The following CFAP54 variants were observed in gnomAD, a reference collection of about 807,000 sequenced individuals.
The protein encoded by CFAP54 is cilia and flagella associated protein 54, also known as cilia- and flagella-associated protein 54.
In CFAP54, 290 loss-of-function variants were observed where a neutral mutation model predicts 370.4. The observed-to-expected ratio is 0.78, with a 90% CI of 0.71 to 0.86. The LOEUF (loss-of-function observed/expected upper bound fraction) is 0.86, where lower values mean the gene tolerates loss of function less well. Ranked by LOEUF, CFAP54 falls within the 40% of genes least tolerant of loss-of-function variation. The probability of loss-of-function intolerance (pLI) is 0.00; values close to 1 mark genes in which losing one functional copy is unlikely to be tolerated. For synonymous variants in CFAP54, 1,206 were observed against 1,236.5 expected, an observed-to-expected ratio of 0.98 and a Z score of 0.52; for missense variants, 3,399 against 3,528.7, an observed-to-expected ratio of 0.96 and a Z score of 0.93.
intron 4 of CFAP54, among the ~76,000 whole-genome samples, chr12:96,512,042 C>T (rs1324202568): frequency 6.6e-6 from 1 of 151,954 alleles, no homozygotes; most frequent in Non-Finnish European, 1.5e-5. Context: ...AATGGTCTGA[C>T]ACAAAAGCAT....
In CFAP54 at chr12:96,527,416, GT is replaced by G; in HGVS notation, c.1332del (p.Phe444LeufsTer8). ...AGATTCATGATGTTGTCTCAGAATTGTTTATGGCAGGAAAAGAACTTTTGAT... is the reference window on the plus strand; with the variant it reads ...AGATTCATGATGTTGTCTCAGAATTGTTATGGCAGGAAAAGAACTTTTGAT... ...VEIHDVVSELFMAGKELLIMS... is the reference protein window; with the variant it reads ...VEIHDVVSELXMAGKELLIMS... On this transcript the variant is annotated frameshift_variant, in exon 9 of 68. Transcript: ENST00000524981. LOFTEE classifies it high-confidence loss of function. The G allele has an allele frequency of 1.3e-6, 2 of 1,521,262 alleles. No individual in the cohort carries two copies. Among genetic ancestry groups the G allele is most frequent in the Non-Finnish European group, 1.8e-6 (2 of 1,138,296 alleles). The allele number at this position is 1,521,262 out of a possible 1,614,324, so 94.2% of individuals were successfully genotyped here.
intron 25 of CFAP54, among the ~76,000 whole-genome samples, chr12:96,598,079 A>T (rs1420758066): frequency 7.0e-6 from 1 of 143,684 alleles, no homozygotes; most frequent in Non-Finnish European, 1.5e-5. Flanking sequence ...TGAATGATTG[A>T]TGCAATCTCA....
intron 60 of CFAP54, among the ~76,000 whole-genome samples, chr12:96,776,927 C>A (rs75497372): frequency 0.027 from 4,080 of 152,220 alleles, 188 homozygotes; most frequent in African/African-American, 0.091. Flanking sequence ...TCAGAAAATT[C>A]TAAGTATTGA....
intron 9 of CFAP54, among the ~76,000 whole-genome samples, chr12:96,529,274 C>T (rs755395980): frequency 1.3e-5 from 2 of 152,140 alleles, no homozygotes; most frequent in African/African-American, 2.4e-5. Context: ...TTAAGTTAAG[C>T]TAGTAAATCA....
At chr12:96,639,307 G>T (rs1308485205) in intron 32 of CFAP54, among the ~76,000 whole-genome samples, 1 of 152,186 alleles carries the variant, frequency 6.6e-6, no homozygotes, top group Non-Finnish European at 1.5e-5. Flanking sequence ...ACACCTCTAT[G>T]CAAATGAACT....
chr12:96,661,447 G>A (rs1352255747), intron 38 of CFAP54, among the ~76,000 whole-genome samples: 5 of 152,162 alleles, frequency 3.3e-5, no homozygotes, highest in African/African-American at 1.2e-4. Context: ...GATTGTGGAG[G>A]CCAGCTAAGC....
chr12:96,729,575 C>G (rs1957890895), intron 50 of CFAP54, among the ~76,000 whole-genome samples: 3 of 152,210 alleles, frequency 2.0e-5, no homozygotes, highest in African/African-American at 7.2e-5. Context: ...ACCCGATTTT[C>G]CAGGTGCCGT....
intron 12 of CFAP54, among the ~76,000 whole-genome samples, chr12:96,536,987 A>ACAATTCAATTCAATT (rs78301597): frequency 8.1e-5 from 12 of 147,412 alleles, no homozygotes; most frequent in East Asian, 3.9e-4. Flanking sequence ...TCAATTCAAT[A>ACAATTCAATTCAATT]CAATTCAATT....
chr12:96,765,222 T>C lies in CFAP54; in HGVS notation c.8281+4T>C. 1.3e-6 allele frequency: 2 copies of C among 1,493,112 alleles called. No individual in the cohort carries two copies. The highest frequency in any genetic ancestry group is 1.8e-6 in the Non-Finnish European group (2 of 1,102,904). 92.5% of individuals were successfully genotyped at this position (1,493,112 alleles called of 1,614,324 possible). On this transcript the variant is annotated splice_donor_region_variant and intron_variant, in intron 60 of 67. Transcript: ENST00000524981. Reference sequence around the variant, plus strand: ...TCGTATACAGATTATTTGCTTGGTATGTTTGGATGTCTACATATTATGCAA... The same window carrying C: ...TCGTATACAGATTATTTGCTTGGTACGTTTGGATGTCTACATATTATGCAA...
intron 31 of CFAP54, 141 bp from the exon 32 acceptor site, chr12:96,630,410 G>T: frequency 4.9e-6 from 3 of 612,506 alleles, no homozygotes; most frequent in Non-Finnish European, 5.3e-6. Flanking sequence ...GGGTACTTCT[G>T]CTGCCTTTGA....
chr12:96,613,965 A>G (rs762664421), intron 26 of CFAP54, among the ~76,000 whole-genome samples: 1 of 152,210 alleles, frequency 6.6e-6, no homozygotes, highest in Non-Finnish European at 1.5e-5. Context: ...TCCTTCTGAA[A>G]CTATTCCAAT....
rs776846722 is a variant in CFAP54 at position 96,658,098 on chromosome 12, G to A, written c.5317G>A (p.Val1773Ile). Reference sequence around the variant, plus strand: ...ATCTCTTGCCATTCAGTTCAATACAGTTTCACAGTAAGTACTGCTGTAAGG... The same window carrying A: ...ATCTCTTGCCATTCAGTTCAATACAATTTCACAGTAAGTACTGCTGTAAGG... ...LVSLAIQFNTVSHERYTEQVT... is the reference protein window; with the variant it reads ...LVSLAIQFNTISHERYTEQVT... Residue 1773 changes from valine (V) to isoleucine (I), a missense_variant, in exon 37 of 68, where the codon GTT becomes ATT. By Grantham distance (29) the Val-to-Ile change is conservative. Around this residue, in one of 3 missense-constraint regions of CFAP54, gnomAD observed 2,796 missense variants for 2,869.7 expected, o/e 0.97. Transcript: ENST00000524981. 31 of 1,610,086 alleles carry A rather than the reference G, an allele frequency of 1.9e-5. 1 individual carries two copies. The South Asian group carries it at 3.3e-4, about 17-fold the overall frequency.
At chr12:96,540,147 G>C (rs544821551) in intron 13 of CFAP54, 1 of 152,238 alleles carries the variant, frequency 6.6e-6, no homozygotes, top group Admixed American at 6.5e-5. Context: ...CTTTTGCCCA[G>C]GCTGGAGTGC....
intron 5 of CFAP54, among the ~76,000 whole-genome samples, chr12:96,517,084 T>G (rs1229936758): frequency 1.3e-5 from 2 of 152,166 alleles, no homozygotes; most frequent in Non-Finnish European, 2.9e-5. Context: ...TATTTGTAGC[T>G]TTTAAGGGTA....
intron 33 of CFAP54, among the ~76,000 whole-genome samples, chr12:96,644,678 C>T (rs1281078962): frequency 6.6e-6 from 1 of 152,108 alleles, no homozygotes; most frequent in African/African-American, 2.4e-5. Flanking sequence ...CAAACATGTC[C>T]TTCTACACAT....
chr12:96,592,529 C>T lies in CFAP54; in HGVS notation c.3252C>T (p.Leu1084=). 1 of 973,098 alleles carries T rather than the reference C, an allele frequency of 1.0e-6. No individual in the cohort carries two copies. The highest frequency in any genetic ancestry group is 1.5e-6 in the Non-Finnish European group (1 of 673,550). 60.3% of individuals were successfully genotyped at this position (973,098 alleles called of 1,614,324 possible). A position where few individuals can be genotyped will look rare whatever the true frequency, so the allele number is the denominator to read the frequency against. Residue 1084 remains leucine (L), a synonymous_variant, in exon 24 of 68, where the codon CTC becomes CTT. Coordinates refer to ENST00000524981, the MANE Select transcript of CFAP54 (RefSeq NM_001306084.2). The stretch of plus-strand genomic sequence containing the variant: ...TTTTGGCAGAGACTTCTTCAATCCT[C>T]TTGTACCTTTTTCTTAGAAATATTT... ...SDILAETSSI[L]LYLFLRNIFV... is the part of the protein sequence containing the mutation.
chr12:96,548,723 A>G (rs532470165), intron 15 of CFAP54, among the ~76,000 whole-genome samples: 97 of 152,364 alleles, frequency 6.4e-4, no homozygotes, highest in African/African-American at 2.1e-3. Flanking sequence ...TTGAGGTGGC[A>G]TAATAGCTGT....
intron 52 of CFAP54, 82 bp from the exon 53 acceptor site, chr12:96,743,320 G>A: frequency 7.4e-7 from 1 of 1,351,678 alleles, no homozygotes; most frequent in Non-Finnish European, 1.0e-6. Context: ...CAATATTTCT[G>A]TGATGAAAAT....
In CFAP54 at chr12:96,596,253, C is replaced by T. The variant is rs144964352; in HGVS notation, c.3516+1807C>T. Among the ~76,000 whole-genome samples, 45 of 152,194 alleles carry T rather than the reference C, an allele frequency of 3.0e-4. No individual in the cohort carries two copies. In the East Asian group the frequency reaches 4.8e-3, roughly 16 times the overall value. ...GCAGCTGCTCAATTGGCTGAGTTTA[C>T]GGTAGTCCACTGTTACTTTCTAGAA... is the stretch of plus-strand genomic sequence containing the variant. On this transcript the variant is annotated intron_variant, in intron 25 of 67. Transcript: ENST00000524981.
Sources: allele counts gnomAD v4.1 joint callset (sites outside exome capture counted in the v4.1 genomes callset), GRCh38; gene constraint gnomAD v4.1.1; regional missense constraint gnomAD v4.1.1; transcripts MANE v1.5; gene names NCBI Gene and HGNC (gene_info 2026-07-23, HGNC 2026-07-21).